The following AP3D1 variants were observed in gnomAD, a reference collection of about 807,000 sequenced individuals.
The protein encoded by AP3D1 is adaptor related protein complex 3 subunit delta 1.
AP3D1 carries 51 observed loss-of-function variants against 147.6 expected under a neutral mutation model. The ratio of observed to expected loss-of-function variants is 0.35; its 90% CI spans 0.28 to 0.44. The LOEUF is 0.44. Ranked by LOEUF, AP3D1 falls within the 20% of genes least tolerant of loss-of-function variation. The pLI, the probability that AP3D1 is intolerant of heterozygous loss-of-function variation, is 1.00. For missense variants in AP3D1, 1,421 were observed against 1,624.2 expected, an observed-to-expected ratio of 0.87 and a Z score of 2.15; for synonymous variants, 760 against 663.0, an observed-to-expected ratio of 1.15 and a Z score of -2.25.
chr19:2,113,467 G>A (rs1223883350), intron 22 of AP3D1, 54 bp from the exon 23 acceptor site: 1 of 1,117,048 alleles, frequency 9.0e-7, no homozygotes, highest in Non-Finnish European at 1.2e-6. Flanking sequence ...CCTGGGAAGA[G>A]GGGACGGGGA....
chr19:2,123,157 A>G (rs1247036736), intron 11 of AP3D1, among the ~76,000 whole-genome samples: 1 of 152,158 alleles, frequency 6.6e-6, no homozygotes, highest in African/African-American at 2.4e-5. Context: ...GGTGTTTCCC[A>G]GCCACCCCAC....
intron 6 of AP3D1, among the ~76,000 whole-genome samples, chr19:2,129,809 G>A (rs1325324281): frequency 6.6e-6 from 1 of 152,238 alleles, no homozygotes; most frequent in Non-Finnish European, 1.5e-5. Context: ...GGCTCAGGGA[G>A]TCTTCCTGCT....
rs1425688072 is a variant in AP3D1 at position 2,109,070 on chromosome 19, C to T, written c.3472+16G>A. 6.2e-7 allele frequency: 1 copy of T among 1,607,762 alleles called. No individual in the cohort carries two copies. On this transcript the variant is annotated intron_variant, in intron 30 of 31. Coordinates refer to ENST00000643116, the MANE Select transcript of AP3D1 (RefSeq NM_001261826.3). ...TGAAAGCCCCGTGCAATCCATCAGC[C>T]CCTCACTCTCCTTACCGGAAAAATG...
intron 9 of AP3D1, among the ~76,000 whole-genome samples, chr19:2,125,691 A>G (rs1360037461): frequency 2.0e-5 from 3 of 152,184 alleles, no homozygotes; most frequent in Non-Finnish European, 4.4e-5. Flanking sequence ...TTACCCAGGT[A>G]GGAACAAATG....
intron 4 of AP3D1, among the ~76,000 whole-genome samples, chr19:2,135,534 T>TCAAAA (rs745553858): frequency 7.3e-5 from 11 of 151,572 alleles, no homozygotes; most frequent in South Asian, 4.1e-4. Context: ...AGACTCAGTC[T>TCAAAA]CAAAACAAAA....
chr19:2,120,459 C>T (rs1201532731), intron 14 of AP3D1, among the ~76,000 whole-genome samples: 2 of 152,316 alleles, frequency 1.3e-5, no homozygotes, highest in South Asian at 2.1e-4. Flanking sequence ...AACTGCCACA[C>T]GGAGCTCCCA....
intron 1 of AP3D1, among the ~76,000 whole-genome samples, chr19:2,143,605 C>A (rs1047255858): frequency 1.3e-5 from 2 of 151,346 alleles, no homozygotes; most frequent in Non-Finnish European, 2.9e-5. Flanking sequence ...TCAAAAAAAT[C>A]AAAAAATAAA....
intron 8 of AP3D1, among the ~76,000 whole-genome samples, chr19:2,127,571 C>A (rs1442301104): frequency 6.6e-6 from 1 of 152,206 alleles, no homozygotes; most frequent in Non-Finnish European, 1.5e-5. Context: ...GTTGCCCAGG[C>A]CGGAGTGCAA....
In AP3D1 at chr19:2,115,264, G is replaced by A. The variant is rs755724535; in HGVS notation, c.2304C>T (p.Ile768=). ...SSLPTESDED[I]APAQQVDIVT... ...CGATGTCCACCTGCTGGGCAGGGGCGATGTCCTCGTCGCTCTCCGTGGGCA... is the reference window on the plus strand; with the variant it reads ...CGATGTCCACCTGCTGGGCAGGGGCAATGTCCTCGTCGCTCTCCGTGGGCA... Residue 768 remains isoleucine, a synonymous_variant, in exon 20 of 32, where the codon ATC becomes ATT. Transcript: ENST00000643116. The A allele has an allele frequency of 8.1e-6, 13 of 1,613,414 alleles. No individual in the cohort carries two copies. The South Asian group carries it at 8.8e-5, about 11-fold the overall frequency.
chr19:2,120,793 C>T, intron 14 of AP3D1, 69 bp downstream of exon 14: 1 of 1,475,416 alleles, frequency 6.8e-7, no homozygotes, highest in Non-Finnish European at 9.3e-7. Context: ...ATCTGCCAGG[C>T]ACATCCCTGG....
chr19:2,155,835 G>A (rs1177877493), upstream of AP3D1, among the ~76,000 whole-genome samples: 1 of 152,074 alleles, frequency 6.6e-6, no homozygotes, highest in African/African-American at 2.4e-5. Context: ...GGCGGATCAG[G>A]AGGTCAGGAG....
At chr19:2,152,688 C>T (rs1334764273), upstream of AP3D1, among the ~76,000 whole-genome samples, 1 of 151,668 alleles carries the variant, frequency 6.6e-6, no homozygotes, top group East Asian at 1.9e-4. Flanking sequence ...CTAGCCTGGC[C>T]AATATGGTGA....
Position 2,117,387 on chromosome 19 carries a change from C to A in AP3D1, c.1714-20G>T. On this transcript the variant is annotated intron_variant, in intron 15 of 31. Transcript: ENST00000643116. ...GGACGCCTGTGGGGGACACAGGGGT[C>A]ACTGCTGGCACCTGCCCGGAAGGCC... The A allele has an allele frequency of 1.3e-6, 2 of 1,560,490 alleles. No individual in the cohort carries two copies. The highest frequency in any genetic ancestry group is 2.3e-5 in the South Asian group (2 of 85,996).
chr19:2,117,162 C>G (rs2018479356), intron 16 of AP3D1, 60 bp downstream of exon 16: 1 of 1,517,680 alleles, frequency 6.6e-7, no homozygotes, highest in African/African-American at 1.4e-5. Context: ...GCTGTGCCAC[C>G]AGGCATCAAG....
At chr19:2,120,787 G>A in intron 14 of AP3D1, 75 bp downstream of exon 14, 1 of 1,438,858 alleles carries the variant, frequency 6.9e-7, no homozygotes, top group Non-Finnish European at 9.6e-7. Flanking sequence ...GGAAGGATCT[G>A]CCAGGCACAT....
upstream of AP3D1, among the ~76,000 whole-genome samples, chr19:2,153,481 G>T (rs1462812136): frequency 6.6e-6 from 1 of 152,148 alleles, no homozygotes; most frequent in East Asian, 1.9e-4. Context: ...TTTGAGACCA[G>T]CGTGGCCAAC....
At chr19:2,137,886 C>G in intron 2 of AP3D1, 79 bp from the exon 3 acceptor site, 1 of 1,300,854 alleles carries the variant, frequency 7.7e-7, no homozygotes, top group South Asian at 1.2e-5. Flanking sequence ...TCAAGCGCTC[C>G]CTCCCAGCAC....
intron 2 of AP3D1, among the ~76,000 whole-genome samples, chr19:2,138,280 AG>A (rs1490103845): frequency 1.3e-5 from 2 of 152,160 alleles, no homozygotes; most frequent in East Asian, 3.9e-4. Flanking sequence ...CCAGGGCCCT[AG>A]CTCTCCCCAC....
At chr19:2,156,962 A>G (rs990814238) in intron 1 of AP3D1, among the ~76,000 whole-genome samples, 3 of 119,102 alleles carry the variant, frequency 2.5e-5, no homozygotes, top group African/African-American at 9.8e-5. Flanking sequence ...GAATCCATCC[A>G]TTTATCCATC....
Sources: gnomAD v4.1 joint callset for allele counts (sites outside exome capture counted in the v4.1 genomes callset) on GRCh38, gnomAD v4.1.1 for gene constraint, MANE v1.5 for transcripts, NCBI Gene and HGNC (gene_info 2026-07-23, HGNC 2026-07-21) for gene names.